Variants in LZIC observed in about 807,000 individuals in gnomAD.
LZIC encodes protein LZIC.
In LZIC, 28 loss-of-function variants were observed where a neutral mutation model predicts 25.4. The observed-to-expected ratio is 1.10, with a 90% CI of 0.82 to 1.51. LZIC has a LOEUF of 1.51. LZIC is among the 40% of genes most tolerant of loss of function. The probability of loss-of-function intolerance (pLI) is 0.00; values close to 1 mark genes in which losing one functional copy is unlikely to be tolerated. For synonymous variants in LZIC, 65 were observed against 70.7 expected, an observed-to-expected ratio of 0.92 and a Z score of 0.40; for missense variants, 170 against 211.1, an observed-to-expected ratio of 0.81 and a Z score of 1.21.
In LZIC at chr1:9,929,790, A is replaced by AT. The variant is rs1025482548; in HGVS notation, c.*608dup. 8.1e-5 allele frequency: 80 copies of AT among 984,412 alleles called. No homozygotes were observed. The highest frequency in any genetic ancestry group is 8.7e-5 in the Non-Finnish European group (72 of 829,196). 61.0% of individuals were successfully genotyped at this position (984,412 alleles called of 1,614,324 possible). On this transcript the variant is annotated 3_prime_UTR_variant, in exon 8 of 8. Coordinates refer to ENST00000377223, the MANE Select transcript of LZIC (RefSeq NM_032368.5). ...CTGACTTGCACAAATAGTGTTAATT[A>AT]TTTTTTTTAAATGGTACAGAAATAA... is the stretch of plus-strand genomic sequence containing the variant.
chr1:9,934,869 A>G lies in LZIC; in HGVS notation c.238-9T>C. ...ATAGCTGCCTGAATAGCCTAGAAAC[A>G]CAAGAAGGCAAAAACTAACCAAAAT... On this transcript the variant is annotated splice_polypyrimidine_tract_variant and intron_variant, in intron 4 of 7. Coordinates refer to ENST00000377223, the MANE Select transcript of LZIC (RefSeq NM_032368.5). The G allele has an allele frequency of 1.2e-6, 2 of 1,607,786 alleles. No individual in the cohort carries two copies. The highest frequency in any genetic ancestry group is 1.7e-6 in the Non-Finnish European group (2 of 1,174,630).
chr1:9,924,928 A>G (rs1639945372), downstream of LZIC, among the ~76,000 whole-genome samples: 1 of 152,192 alleles, frequency 6.6e-6, no homozygotes, highest in Non-Finnish European at 1.5e-5. Context: ...AACACAGCTC[A>G]GCAGGAGGTT....
At chr1:9,925,040 AGTGG>A (rs1639947846), downstream of LZIC, among the ~76,000 whole-genome samples, 1 of 151,708 alleles carries the variant, frequency 6.6e-6, no homozygotes, top group Non-Finnish European at 1.5e-5. Context: ...CACCGGGCGC[AGTGG>A]CTCACGCCTG....
chr1:9,933,845 C>A (rs756283704), intron 5 of LZIC, among the ~76,000 whole-genome samples: 36 of 151,978 alleles, frequency 2.4e-4, no homozygotes, highest in African/African-American at 8.4e-4. Flanking sequence ...ACAGAGGCTA[C>A]AGTGAGCCGA....
At position 9,933,858 on chromosome 1, in the gene LZIC, T is replaced by C. The variant is rs535747730; in HGVS notation, c.336+904A>G. 7.9e-5 allele frequency among the ~76,000 whole-genome samples: 12 copies of C among 151,758 alleles called. No individual in the cohort carries two copies. The East Asian group carries it at 1.9e-3, about 25-fold the overall frequency. On this transcript the variant is annotated intron_variant, in intron 5 of 7. Coordinates refer to ENST00000377223, the MANE Select transcript of LZIC (RefSeq NM_032368.5). ...AGACAGAGGCTACAGTGAGCCGAGA[T>C]TGCATTACTACACTGAGCCTGGGTG...
At position 9,936,545 on chromosome 1, in the gene LZIC, T is replaced by C. The variant is rs1640466302; in HGVS notation, c.75A>G (p.Gln25=). 6.2e-7 allele frequency: 1 copy of C among 1,613,190 alleles called. No homozygotes were observed. Among genetic ancestry groups the C allele is most frequent in the South Asian group, 1.1e-5 (1 of 91,024 alleles). The change falls in exon 3 of 8, where the codon CAA becomes CAG. Residue 25 remains glutamine, a synonymous_variant. Coordinates refer to ENST00000377223, the MANE Select transcript of LZIC (RefSeq NM_032368.5). ...TGCATTCCTCCAGATCTTGTAATTGTTGCATGAGTCTATCCAACTGTTCTT... is the reference window on the plus strand; with the variant it reads ...TGCATTCCTCCAGATCTTGTAATTGCTGCATGAGTCTATCCAACTGTTCTT... ...NLEEQLDRLM[Q]QLQDLEECRE... is the part of the protein sequence containing the mutation.
intron 4 of LZIC, 99 bp from the exon 5 acceptor site, chr1:9,934,959 G>A: frequency 1.1e-6 from 1 of 912,890 alleles, no homozygotes; most frequent in Non-Finnish European, 1.8e-6. Flanking sequence ...AAGGTTTACT[G>A]GTTCCTGTCA....
At chr1:9,930,574 C>T in intron 7 of LZIC, 117 bp from the exon 8 acceptor site, 1 of 1,436,124 alleles carries the variant, frequency 7.0e-7, no homozygotes, top group Non-Finnish European at 9.6e-7. Flanking sequence ...AATTAGCCTC[C>T]ATTATCAGTG....
chr1:9,922,587 A>G (rs1165288957), downstream of LZIC, among the ~76,000 whole-genome samples: 2 of 152,242 alleles, frequency 1.3e-5, no homozygotes, highest in Non-Finnish European at 2.9e-5. Context: ...CCCCTAGCAC[A>G]GTGCTCAGCA....
rs1016386137 is a variant in LZIC at position 9,929,012 on chromosome 1, T to G, written c.*1387A>C. The G allele has an allele frequency of 6.6e-6, 1 of 152,148 alleles. No homozygotes were observed. The highest frequency in any genetic ancestry group is 1.5e-5 in the Non-Finnish European group (1 of 68,102). 9.4% of individuals were successfully genotyped at this position (152,148 alleles called of 1,614,324 possible). Reference sequence around the variant, plus strand: ...AGACAGGGTGCAGATTAGTGGCTATTGTTAGCAGTCGGAGGAGAAGGGAAT... The same window carrying G: ...AGACAGGGTGCAGATTAGTGGCTATGGTTAGCAGTCGGAGGAGAAGGGAAT... On this transcript the variant is annotated 3_prime_UTR_variant, in exon 8 of 8. Coordinates refer to ENST00000377223, the MANE Select transcript of LZIC (RefSeq NM_032368.5).
At position 9,926,895 on chromosome 1, in the gene LZIC, C is replaced by CA. The variant is rs1491571849; in HGVS notation, c.*3503dup. ...TAACTATAATTGCATAGAATTTACT[C>CA]ACTTTTCAAATACTTATTCTGAATG... On this transcript the variant is annotated 3_prime_UTR_variant, in exon 8 of 8. Coordinates refer to ENST00000377223, the MANE Select transcript of LZIC (RefSeq NM_032368.5). Among the ~76,000 whole-genome samples the CA allele has an allele frequency of 6.6e-6, 1 of 152,184 alleles. No individual in the cohort carries two copies. Among genetic ancestry groups the CA allele is most frequent in the Non-Finnish European group, 1.5e-5 (1 of 68,040 alleles).
chr1:9,924,312 GA>G (rs904967460), downstream of LZIC, among the ~76,000 whole-genome samples: 13 of 151,332 alleles, frequency 8.6e-5, no homozygotes, highest in East Asian at 3.9e-4. Flanking sequence ...CTTATTTGGG[GA>G]AAAAAAAGGC....
In LZIC at chr1:9,942,759, T is replaced by C. The variant is rs1431507787; in HGVS notation, c.-144A>G. On this transcript the variant is annotated 5_prime_UTR_variant, in exon 2 of 8. Transcript: ENST00000377223. ...ATCAGGACTACAAAAGGCTCAAAGT[T>C]CAAACCACCTCGGGGTGGAGATGCT... 5 of 1,132,146 alleles carry C rather than the reference T, an allele frequency of 4.4e-6. No homozygotes were observed. The highest frequency in any genetic ancestry group is 4.7e-6 in the Non-Finnish European group (4 of 845,204). The allele number at this position is 1,132,146 out of a possible 1,614,324, so 70.1% of individuals were successfully genotyped here. A position where few individuals can be genotyped will look rare whatever the true frequency, so the allele number is the denominator to read the frequency against.
chr1:9,942,871 C>G, intron 1 of LZIC, 89 bp from the exon 2 acceptor site: 1 of 391,254 alleles, frequency 2.6e-6, no homozygotes, highest in Non-Finnish European at 5.1e-6. Context: ...ACTTGAGCAG[C>G]CTGAGACATC....
rs57307308 is a variant in LZIC at position 9,934,169 on chromosome 1, A to T, written c.336+593T>A. Among the ~76,000 whole-genome samples, 1,282 of 151,760 alleles carry T rather than the reference A, an allele frequency of 8.4e-3. 18 individuals are homozygous for T. Among genetic ancestry groups the T allele is most frequent in the African/African-American group, 0.03 (1,231 of 41,386 alleles). On this transcript the variant is annotated intron_variant, in intron 5 of 7. Transcript: ENST00000377223. Reference sequence around the variant, plus strand: ...ACTTGAACCCAGAGGCAGAGGTTGTACTGAACCGAGATTGCGCCACTGCCC... The same window carrying T: ...ACTTGAACCCAGAGGCAGAGGTTGTTCTGAACCGAGATTGCGCCACTGCCC...
chr1:9,933,952 C>T (rs557652435), intron 5 of LZIC, among the ~76,000 whole-genome samples: 3 of 151,948 alleles, frequency 2.0e-5, no homozygotes, highest in East Asian at 3.9e-4. Flanking sequence ...AAAGGCTAGG[C>T]GCAGTGGCTC....
rs1639985148 is a variant in LZIC at position 9,926,343 on chromosome 1, G to C, written c.*4056C>G. ...TGGTCTGGGTTTATTTTTTTCTATAGTAATTTCAGATTATCCATCATTCAC... is the reference window on the plus strand; with the variant it reads ...TGGTCTGGGTTTATTTTTTTCTATACTAATTTCAGATTATCCATCATTCAC... On this transcript the variant is annotated 3_prime_UTR_variant, in exon 8 of 8. Transcript: ENST00000377223. 2.0e-5 allele frequency among the ~76,000 whole-genome samples: 3 copies of C among 152,140 alleles called. 1 individual carries two copies. Among genetic ancestry groups the C allele is most frequent in the South Asian group, 4.1e-4 (2 of 4,826 alleles).
At chr1:9,935,362 A>G in intron 4 of LZIC, 130 bp downstream of exon 4, 1 of 851,442 alleles carries the variant, frequency 1.2e-6, no homozygotes, top group Non-Finnish European at 1.8e-6. Flanking sequence ...TGGGAGGCGG[A>G]GGTTGCAGTG....
chr1:9,937,802 CT>C (rs1385757461), intron 2 of LZIC, among the ~76,000 whole-genome samples: 1 of 125,714 alleles, frequency 8.0e-6, no homozygotes, highest in Non-Finnish European at 1.6e-5. Context: ...GAGCCATGAT[CT>C]TGCCACTCCA....
Sources: gnomAD v4.1 joint callset for allele counts (sites outside exome capture counted in the v4.1 genomes callset) on GRCh38, gnomAD v4.1.1 for gene constraint, MANE v1.5 for transcripts, NCBI Gene and HGNC (gene_info 2026-07-23, HGNC 2026-07-21) for gene names.